The following CTBP1 variants were observed in gnomAD, a reference collection of about 807,000 sequenced individuals.
The protein encoded by CTBP1 is C-terminal binding protein 1, also known as C-terminal-binding protein 1.
Under a neutral mutation model 42.1 loss-of-function variants are expected in CTBP1, and 11 were observed. The observed-to-expected ratio is 0.26, with a 90% CI of 0.16 to 0.43. The LOEUF is 0.43. Ranked by LOEUF, CTBP1 falls within the 20% of genes least tolerant of loss-of-function variation. The probability of loss-of-function intolerance (pLI) is 1.00; values close to 1 mark genes in which losing one functional copy is unlikely to be tolerated. For synonymous variants in CTBP1, 324 were observed against 277.1 expected (o/e 1.17, Z -1.68); for missense variants, 399 against 624.3 (o/e 0.64, Z 3.85).
At chr4:1,224,512 C>T (rs997039113) in intron 5 of CTBP1, among the ~76,000 whole-genome samples, 4 of 147,462 alleles carry the variant, frequency 2.7e-5, no homozygotes, top group South Asian at 2.1e-4. Context: ...GTGAGGCCCA[C>T]GTGTGCTGTG....
chr4:1,226,829 C>T (rs536074567), intron 4 of CTBP1, among the ~76,000 whole-genome samples: 6 of 151,790 alleles, frequency 4.0e-5, no homozygotes, highest in Middle Eastern at 3.4e-3. Flanking sequence ...TGGGCGCCGG[C>T]GGAAGCAGCT....
At position 1,213,485 on chromosome 4, in the gene CTBP1, G is replaced by A; in HGVS notation, c.981C>T (p.Ala327=). The A allele has an allele frequency of 6.2e-7, 1 of 1,611,302 alleles. No homozygotes were observed. Among genetic ancestry groups the A allele is most frequent in the Non-Finnish European group, 8.5e-7 (1 of 1,179,864 alleles). ...REEAAREIRR[A]ITGRIPDSLK... Reference sequence around the variant, plus strand: ...AGCGGCCCCCACGCCCACCTGTGATGGCTCTGCGGATCTCCCGTGCCGCCT... The same window carrying A: ...AGCGGCCCCCACGCCCACCTGTGATAGCTCTGCGGATCTCCCGTGCCGCCT... The change falls in exon 8 of 10, where the codon GCC becomes GCT. Residue 327 remains alanine (A), a synonymous_variant. Coordinates refer to ENST00000382952, the MANE Select transcript of CTBP1 (RefSeq NM_001012614.2).
Position 1,243,246 on chromosome 4 carries a change from C to T in CTBP1, c.-188-1727G>A, listed in dbSNP as rs1187680935. On this transcript the variant is annotated intron_variant, in intron 1 of 9. Coordinates refer to ENST00000382952, the MANE Select transcript of CTBP1 (RefSeq NM_001012614.2). ...ATCTATACTGGCCAGTACGTGCCCA[C>T]ACCTGTGTCTCTGAGGAAGAAGCAG... is the stretch of plus-strand genomic sequence containing the variant. 7.1e-6 allele frequency: 7 copies of T among 985,458 alleles called. No individual in the cohort carries two copies. The African/African-American group carries it at 1.0e-4, about 15-fold the overall frequency. 61.0% of individuals were successfully genotyped at this position (985,458 alleles called of 1,614,324 possible).
intron 5 of CTBP1, chr4:1,223,383 T>C: frequency 2.2e-6 from 1 of 452,846 alleles, no homozygotes; most frequent in Non-Finnish European, 4.4e-6. Flanking sequence ...GACAGGCACG[T>C]GTTCCATGCA....
At chr4:1,215,713 T>C in intron 6 of CTBP1, 1 of 499,614 alleles carries the variant, frequency 2.0e-6, no homozygotes, top group East Asian at 3.7e-5. Context: ...GTCCCCACTG[T>C]GACAACAGCA....
chr4:1,230,624 C>T (rs541526266), intron 3 of CTBP1, among the ~76,000 whole-genome samples: 3 of 152,232 alleles, frequency 2.0e-5, no homozygotes, highest in Non-Finnish European at 4.4e-5. Flanking sequence ...ACCCACACCA[C>T]ACAGGCTTGT....
At chr4:1,248,337 G>A (rs1006631651) in intron 1 of CTBP1, among the ~76,000 whole-genome samples, 2 of 151,734 alleles carry the variant, frequency 1.3e-5, no homozygotes, top group Admixed American at 6.6e-5. Flanking sequence ...CGGTCTGAGG[G>A]CAGCGGCCTC....
At chr4:1,228,978 G>A (rs1247880125) in intron 3 of CTBP1, among the ~76,000 whole-genome samples, 1 of 152,258 alleles carries the variant, frequency 6.6e-6, no homozygotes, top group African/African-American at 2.4e-5. Flanking sequence ...TCTGAGCAGT[G>A]TTCACAACAG....
At chr4:1,246,367 C>T (rs1245333235) in intron 1 of CTBP1, among the ~76,000 whole-genome samples, 1 of 152,206 alleles carries the variant, frequency 6.6e-6, no homozygotes, top group Non-Finnish European at 1.5e-5. Context: ...ACCTCCTGGC[C>T]ACCCCTGGGC....
intron 3 of CTBP1, among the ~76,000 whole-genome samples, chr4:1,232,525 T>TA (rs1731064227): frequency 6.6e-6 from 1 of 152,120 alleles, no homozygotes; most frequent in Admixed American, 6.5e-5. Context: ...TTGCCCAGGC[T>TA]GGTCTTGAAC....
Position 1,228,210 on chromosome 4 carries a change from G to C in CTBP1, c.296C>G (p.Ala99Gly), listed in dbSNP as rs1423280278. 1.9e-6 allele frequency: 3 copies of C among 1,614,162 alleles called. No homozygotes were observed. Among genetic ancestry groups the C allele is most frequent in the Non-Finnish European group, 2.5e-6 (3 of 1,180,018 alleles). Residue 99 changes from alanine (A) to glycine (G), a missense_variant, in exon 4 of 10, where the codon GCC becomes GGC. Ala to Gly is a moderately conservative substitution (Grantham distance 60). Transcript: ENST00000382952. The part of the protein sequence containing the change: ...SGFDNIDIKS[A>G]GDLGIAVCNV... ...CGGAGCCGGCCTACCTAAATCCCCG[G>C]CCGACTTGATGTCGATGTTGTCAAA... is the stretch of plus-strand genomic sequence containing the variant.
chr4:1,222,691 G>A (rs1052374621), intron 5 of CTBP1, among the ~76,000 whole-genome samples: 1 of 152,162 alleles, frequency 6.6e-6, no homozygotes, highest in African/African-American at 2.4e-5. Flanking sequence ...CCCGACCTGG[G>A]TGTTCCAACC....
intron 3 of CTBP1, among the ~76,000 whole-genome samples, chr4:1,230,706 C>T (rs903299213): frequency 2.6e-5 from 4 of 152,262 alleles, no homozygotes; most frequent in African/African-American, 4.8e-5. Flanking sequence ...TTCTGAACCG[C>T]GGCACGTCAC....
At chr4:1,245,545 C>T (rs1298768376) in intron 1 of CTBP1, 1 of 983,586 alleles carries the variant, frequency 1.0e-6, no homozygotes. Context: ...AGACGGGCGG[C>T]AGGTCAGGGT....
intron 3 of CTBP1, among the ~76,000 whole-genome samples, chr4:1,230,050 G>C (rs1273098428): frequency 6.6e-6 from 1 of 152,214 alleles, no homozygotes; most frequent in Non-Finnish European, 1.5e-5. Context: ...TCAGTTCATG[G>C]ACAGGGCTGA....
intron 3 of CTBP1, chr4:1,236,514 G>C (rs1358028252): frequency 3.3e-6 from 2 of 598,358 alleles, no homozygotes; most frequent in Non-Finnish European, 6.0e-6. Flanking sequence ...AATGAATCAA[G>C]AAGCCACAGG....
intron 3 of CTBP1, among the ~76,000 whole-genome samples, chr4:1,228,632 C>T (rs1730636133): frequency 6.6e-6 from 1 of 152,162 alleles, no homozygotes; most frequent in East Asian, 1.9e-4. Flanking sequence ...ACTGTGGTGG[C>T]TGAGATGTCT....
At chr4:1,244,668 C>T in intron 1 of CTBP1, 4 of 985,430 alleles carry the variant, frequency 4.1e-6, no homozygotes, top group Non-Finnish European at 4.8e-6. Context: ...ACCAGAAGGG[C>T]ACCCTAAGGC....
intron 1 of CTBP1, chr4:1,243,153 C>G: frequency 5.1e-6 from 5 of 985,486 alleles, no homozygotes; most frequent in Non-Finnish European, 6.0e-6. Context: ...CAATACTGCC[C>G]ACAGCAGCAT....
Sources: allele counts gnomAD v4.1 joint callset (sites outside exome capture counted in the v4.1 genomes callset), GRCh38; gene constraint gnomAD v4.1.1; transcripts MANE v1.5; gene names NCBI Gene and HGNC (gene_info 2026-07-23, HGNC 2026-07-21).